SGCD: variants seen among roughly 807,000 people sequenced by gnomAD.
SGCD encodes delta-sarcoglycan.
A neutral mutation model predicts 36.6 loss-of-function variants in SGCD; 18 were observed. The observed-to-expected ratio is 0.49, with a 90% CI of 0.34 to 0.73. The LOEUF (loss-of-function observed/expected upper bound fraction) is 0.73, where lower values mean the gene tolerates loss of function less well. Ranked by LOEUF, SGCD falls within the 30% of genes least tolerant of loss-of-function variation. SGCD has a pLI of 0.01. For synonymous variants in SGCD, 133 were observed against 130.6 expected, an observed-to-expected ratio of 1.02 and a Z score of -0.12; for missense variants, 387 against 346.7, an observed-to-expected ratio of 1.12 and a Z score of -0.92.
At chr5:156,256,230 T>C (rs943302126) in intron 3 of SGCD, among the ~76,000 whole-genome samples, 1 of 152,230 alleles carries the variant, frequency 6.6e-6, no homozygotes, top group Non-Finnish European at 1.5e-5. Flanking sequence ...TGCAATAAAA[T>C]GTGTAAGTCT....
intron 6 of SGCD, among the ~76,000 whole-genome samples, chr5:156,609,736 G>T (rs1761686629): frequency 6.6e-6 from 1 of 152,158 alleles, no homozygotes; most frequent in South Asian, 2.1e-4. Context: ...TGGAGGCTTT[G>T]TTTGTTTCTT....
intron 1 of SGCD, among the ~76,000 whole-genome samples, chr5:155,900,502 C>T (rs982056074): frequency 6.6e-6 from 1 of 151,670 alleles, no homozygotes; most frequent in Non-Finnish European, 1.5e-5. Context: ...TATACATGTG[C>T]CATGCTGGTG....
chr5:155,771,686 G>A, the SGCD span, among the ~76,000 whole-genome samples: 1 of 151,998 alleles, frequency 6.6e-6, no homozygotes, highest in African/African-American at 2.4e-5. Context: ...GCCTCCCAAA[G>A]TACTGGGATT....
rs1303360561 is a variant in SGCD, at chr5:156,175,764, CT to C, written c.-44+51747del. On this transcript the variant is annotated intron_variant, in intron 3 of 9. Coordinates refer to the SGCD transcript ENST00000517913. ...TTAGAAAGACATGCTGTTATTTTGACTTCTGATGAAGGTCAATTAATATAAT... is the reference window on the plus strand; with the variant it reads ...TTAGAAAGACATGCTGTTATTTTGACTCTGATGAAGGTCAATTAATATAAT... Among the ~76,000 whole-genome samples the C allele has an allele frequency of 5.9e-5, 9 of 152,232 alleles. No homozygotes were observed. In the East Asian group the frequency reaches 1.7e-3, roughly 29 times the overall value.
Position 156,594,936 on chromosome 5 carries a change from A to G in SGCD, c.387A>G (p.Pro129=), listed in dbSNP as rs80066854. 6.2e-7 allele frequency: 1 copy of G among 1,601,282 alleles called. No individual in the cohort carries two copies. Among genetic ancestry groups the G allele is most frequent in the African/African-American group, 1.3e-5 (1 of 74,712 alleles). ...TKVLTQLITG[P]KAVEAYGKKF... ...CTATCTCTCTATATCTCTCAGGTCC[A>G]AAAGCCGTAGAAGCTTATGGTAAAA... The change falls in exon 6 of 9, where the codon CCA becomes CCG. Residue 129 remains proline (P), a synonymous_variant. Transcript: ENST00000337851.
chr5:156,214,768 G>A (rs1249448982), intron 3 of SGCD, among the ~76,000 whole-genome samples: 1 of 152,000 alleles, frequency 6.6e-6, no homozygotes, highest in Non-Finnish European at 1.5e-5. Flanking sequence ...CAATGGAATG[G>A]AATAGAGACT....
chr5:156,672,861 G>A (rs116720733), intron 7 of SGCD, among the ~76,000 whole-genome samples: 1 of 152,216 alleles, frequency 6.6e-6, no homozygotes, highest in East Asian at 1.9e-4. Flanking sequence ...GAGCCTTTAT[G>A]TTGCCGTTCT....
chr5:156,034,509 A>C (rs1449173687), intron 1 of SGCD, among the ~76,000 whole-genome samples: 2 of 152,182 alleles, frequency 1.3e-5, no homozygotes, highest in African/African-American at 4.8e-5. Context: ...TCTGTAAAAG[A>C]GGGCTAACCA....
chr5:156,389,575 T>C (rs1036031761), intron 3 of SGCD, among the ~76,000 whole-genome samples: 1 of 152,044 alleles, frequency 6.6e-6, no homozygotes, highest in African/African-American at 2.4e-5. Context: ...CAGGGGAGGC[T>C]GGGGGTGGTG....
intron 7 of SGCD, among the ~76,000 whole-genome samples, chr5:156,723,747 A>C (rs766004439): frequency 2.0e-5 from 3 of 152,204 alleles, no homozygotes; most frequent in Non-Finnish European, 4.4e-5. Flanking sequence ...GTTAGAGATC[A>C]GAGGTAAGGA....
chr5:156,622,011 A>G (rs1762269980), intron 6 of SGCD, among the ~76,000 whole-genome samples: 1 of 152,234 alleles, frequency 6.6e-6, no homozygotes, highest in African/African-American at 2.4e-5. Context: ...AACCCAGACA[A>G]TCAGACTCTG....
At chr5:155,868,418 CT>C (rs2113268981), upstream of SGCD, among the ~76,000 whole-genome samples, 1 of 135,390 alleles carries the variant, frequency 7.4e-6, no homozygotes, top group African/African-American at 2.8e-5. Context: ...GGGTGCCAGA[CT>C]GGTCTAGAAC....
chr5:155,875,807 T>TAC (rs1362049805), intron 1 of SGCD, among the ~76,000 whole-genome samples: 11 of 152,058 alleles, frequency 7.2e-5, no homozygotes, highest in Non-Finnish European at 1.6e-4. Flanking sequence ...CTGTGAGCAA[T>TAC]ACTTCTGTTG....
rs1754590105 is a variant in SGCD at position 156,703,069 on chromosome 5, G to T, written c.576-54512G>T. 2.0e-5 allele frequency among the ~76,000 whole-genome samples: 3 copies of T among 152,170 alleles called. No individual in the cohort carries two copies. In the South Asian group the frequency reaches 6.2e-4, roughly 32 times the overall value. On this transcript the variant is annotated intron_variant, in intron 7 of 8. Coordinates refer to ENST00000337851, the MANE Select transcript of SGCD (RefSeq NM_000337.6). ...GTGTTTACCCCCACCCATGGGATTG[G>T]GGCAAGGGAAATTGACTCTGACATG...
intron 3 of SGCD, among the ~76,000 whole-genome samples, chr5:156,179,903 C>T (rs573108519): frequency 6.6e-6 from 1 of 152,176 alleles, no homozygotes; most frequent in South Asian, 2.1e-4. Context: ...GGATTACAGG[C>T]GTGAGCCACA....
At chr5:156,277,745 G>A (rs1430511709) in intron 3 of SGCD, among the ~76,000 whole-genome samples, 1 of 152,130 alleles carries the variant, frequency 6.6e-6, no homozygotes, top group South Asian at 2.1e-4. Flanking sequence ...TGCTTTATAG[G>A]CAAACTAGCC....
At chr5:156,244,353 T>C (rs930449556) in intron 3 of SGCD, among the ~76,000 whole-genome samples, 1 of 152,142 alleles carries the variant, frequency 6.6e-6, no homozygotes, top group African/African-American at 2.4e-5. Context: ...TTTGGGACAA[T>C]TGGCAAAAAT....
chr5:156,159,577 A>G (rs888550947), intron 3 of SGCD, among the ~76,000 whole-genome samples: 10 of 151,692 alleles, frequency 6.6e-5, no homozygotes, highest in African/African-American at 2.4e-4. Context: ...AATTTTGGAT[A>G]TTTAAATACT....
At chr5:155,915,754 T>C (rs764278399) in intron 1 of SGCD, among the ~76,000 whole-genome samples, 7 of 152,334 alleles carry the variant, frequency 4.6e-5, no homozygotes, top group Non-Finnish European at 8.8e-5. Flanking sequence ...ATTTGAAACA[T>C]TTCAAAAATT....
Sources: allele counts gnomAD v4.1 joint callset (sites outside exome capture counted in the v4.1 genomes callset), GRCh38; gene constraint gnomAD v4.1.1; transcripts MANE v1.5; gene names NCBI Gene and HGNC (gene_info 2026-07-23, HGNC 2026-07-21).